Variants in ZFAND3 observed in about 807,000 individuals in gnomAD.
ZFAND3 encodes AN1-type zinc finger protein 3.
A neutral mutation model predicts 29.6 loss-of-function variants in ZFAND3; 10 were observed. The ratio of observed to expected loss-of-function variants is 0.34; its 90% confidence interval spans 0.21 to 0.57. The LOEUF is 0.57. ZFAND3 is among the 20% of genes least tolerant of loss of function. The pLI is 0.86. For missense variants in ZFAND3, 230 were observed against 304.5 expected (o/e 0.76, Z 1.82); for synonymous variants, 128 against 112.6 (o/e 1.14, Z -0.87).
intron 5 of ZFAND3, among the ~76,000 whole-genome samples, chr6:38,149,298 G>A (rs781564670): frequency 1.3e-5 from 2 of 151,752 alleles, no homozygotes; most frequent in African/African-American, 2.4e-5. Flanking sequence ...TTGTAGTTGC[G>A]CTACTGGGGA....
chr6:37,947,464 C>T (rs1761923756), intron 2 of ZFAND3, among the ~76,000 whole-genome samples: 1 of 152,024 alleles, frequency 6.6e-6, no homozygotes, highest in African/African-American at 2.4e-5. Context: ...GGTTACTATA[C>T]CTCCTTCCCT....
At chr6:38,102,144 TTCA>T (rs1402619162) in intron 4 of ZFAND3, among the ~76,000 whole-genome samples, 9 of 152,196 alleles carry the variant, frequency 5.9e-5, no homozygotes, top group Non-Finnish European at 1.2e-4. Context: ...CTCCTCCTCC[TTCA>T]TCTTCTTCTT....
intron 2 of ZFAND3, among the ~76,000 whole-genome samples, chr6:37,940,672 A>T (rs1466755141): frequency 1.3e-5 from 2 of 152,264 alleles, no homozygotes; most frequent in African/African-American, 4.8e-5. Context: ...CAGAAGGCCA[A>T]GCAAGAACTT....
Position 37,867,576 on chromosome 6 carries a change from G to A in ZFAND3, c.71+47560G>A, listed in dbSNP as rs7749716. On this transcript the variant is annotated intron_variant, in intron 1 of 5. Coordinates refer to ENST00000287218, the MANE Select transcript of ZFAND3 (RefSeq NM_021943.3). ...GGTTGTTGTATGGGTCCTTAATGTG[G>A]GTTTAAAAATTTTTCATTCCACATT... Among the ~76,000 whole-genome samples, 1,145 of 152,000 alleles carry A rather than the reference G, an allele frequency of 7.5e-3. 11 individuals are homozygous for A. The highest frequency in any genetic ancestry group is 0.026 in the African/African-American group (1,064 of 41,450).
intron 2 of ZFAND3, among the ~76,000 whole-genome samples, chr6:38,048,514 C>T (rs1340657733): frequency 3.3e-5 from 5 of 149,898 alleles, no homozygotes; most frequent in Non-Finnish European, 5.9e-5. Context: ...CCGAGCTACT[C>T]GGGAGGCTGA....
At chr6:37,872,545 A>G (rs1056405859) in intron 1 of ZFAND3, among the ~76,000 whole-genome samples, 5 of 152,064 alleles carry the variant, frequency 3.3e-5, no homozygotes, top group Admixed American at 3.3e-4. Flanking sequence ...CTTCTCAGTC[A>G]TTACTCCCAC....
chr6:37,979,323 T>G (rs1188705746), intron 2 of ZFAND3, among the ~76,000 whole-genome samples: 1 of 152,228 alleles, frequency 6.6e-6, no homozygotes, highest in Non-Finnish European at 1.5e-5. Context: ...TCAAGTTTTC[T>G]TACAACTTTG....
chr6:37,855,680 G>C (rs537364099), intron 1 of ZFAND3, among the ~76,000 whole-genome samples: 5 of 152,020 alleles, frequency 3.3e-5, no homozygotes, highest in South Asian at 4.2e-4. Flanking sequence ...TTTCTTTTTG[G>C]GGGGCAGGTG....
At chr6:38,031,697 C>T (rs1763562182) in intron 2 of ZFAND3, among the ~76,000 whole-genome samples, 1 of 152,166 alleles carries the variant, frequency 6.6e-6, no homozygotes, top group South Asian at 2.1e-4. Context: ...TTATAACCGC[C>T]TTAAAGTTTT....
At chr6:38,025,568 A>G (rs1260378809) in intron 2 of ZFAND3, among the ~76,000 whole-genome samples, 1 of 152,162 alleles carries the variant, frequency 6.6e-6, no homozygotes, top group African/African-American at 2.4e-5. Flanking sequence ...ATGCTGAATT[A>G]GTGGTATTTA....
At chr6:37,962,979 G>A (rs1762225629) in intron 2 of ZFAND3, among the ~76,000 whole-genome samples, 1 of 151,748 alleles carries the variant, frequency 6.6e-6, no homozygotes, top group African/African-American at 2.4e-5. Context: ...TACATGTAAC[G>A]CTCACTGCAA....
chr6:37,931,570 A>G (rs546341004), intron 2 of ZFAND3, among the ~76,000 whole-genome samples: 1 of 151,704 alleles, frequency 6.6e-6, no homozygotes, highest in South Asian at 2.1e-4. Flanking sequence ...AAAAAAACCA[A>G]CCAAACAAAA....
intron 2 of ZFAND3, among the ~76,000 whole-genome samples, chr6:37,981,895 A>C (rs991050636): frequency 7.2e-5 from 11 of 152,212 alleles, no homozygotes; most frequent in South Asian, 2.1e-4. Flanking sequence ...GACATGATAC[A>C]TCAGTCAGTA....
chr6:38,007,833 A>G (rs1205006759), intron 2 of ZFAND3, among the ~76,000 whole-genome samples: 1 of 152,188 alleles, frequency 6.6e-6, no homozygotes, highest in Non-Finnish European at 1.5e-5. Flanking sequence ...GGTACTCACA[A>G]AGCTGGGTGG....
At chr6:38,048,540 T>C (rs1763953988) in intron 2 of ZFAND3, among the ~76,000 whole-genome samples, 1 of 142,144 alleles carries the variant, frequency 7.0e-6, no homozygotes, top group Admixed American at 7.6e-5. Flanking sequence ...GAGAATGGCG[T>C]GAACCCAGGA....
intron 2 of ZFAND3, among the ~76,000 whole-genome samples, chr6:38,010,149 A>G (rs1230542606): frequency 2.6e-5 from 4 of 152,250 alleles, no homozygotes; most frequent in Admixed American, 6.5e-5. Context: ...TCAGGGTGCC[A>G]GGTGAGAACC....
intron 3 of ZFAND3, among the ~76,000 whole-genome samples, chr6:38,074,319 A>G (rs1267192910): frequency 1.3e-5 from 2 of 152,214 alleles, no homozygotes; most frequent in South Asian, 2.1e-4. Context: ...ATTTTTCATA[A>G]AAGAGTAAGT....
intron 1 of ZFAND3, among the ~76,000 whole-genome samples, chr6:37,839,192 T>TC (rs1051949620): frequency 2.0e-5 from 3 of 152,020 alleles, no homozygotes; most frequent in Non-Finnish European, 1.5e-5. Context: ...ATTTCTTTTT[T>TC]TTTTTTGAGA....
At chr6:37,878,294 G>C (rs922324171) in intron 1 of ZFAND3, among the ~76,000 whole-genome samples, 4 of 152,218 alleles carry the variant, frequency 2.6e-5, no homozygotes, top group African/African-American at 9.6e-5. Flanking sequence ...TCACTGGAGT[G>C]ATGAAGGGGG....
Sources: gnomAD v4.1 joint callset for allele counts (sites outside exome capture counted in the v4.1 genomes callset) on GRCh38, gnomAD v4.1.1 for gene constraint, MANE v1.5 for transcripts, NCBI Gene and HGNC (gene_info 2026-07-23, HGNC 2026-07-21) for gene names.